The following RAPGEF4 variants were observed in gnomAD, a reference collection of about 807,000 sequenced individuals.
RAPGEF4 encodes RAP guanine-nucleotide-exchange factor (GEF) 4.
Under a neutral mutation model 147.9 loss-of-function variants are expected in RAPGEF4, and 66 were observed. That is an observed-to-expected ratio of 0.45 (90% CI 0.37 to 0.55). RAPGEF4 has a LOEUF of 0.55. RAPGEF4 is among the 20% of genes least tolerant of loss of function. RAPGEF4 has a pLI of 0.00. For synonymous variants in RAPGEF4, 419 were observed against 442.7 expected, an observed-to-expected ratio of 0.95 and a Z score of 0.67; for missense variants, 1,071 against 1,257.3, an observed-to-expected ratio of 0.85 and a Z score of 2.24.
At chr2:172,948,432 C>T (rs1687895170) in intron 6 of RAPGEF4, among the ~76,000 whole-genome samples, 1 of 152,084 alleles carries the variant, frequency 6.6e-6, no homozygotes. Context: ...GTCAGAAATA[C>T]TTATCAAAAC....
rs1055644624 is a variant in RAPGEF4 at position 172,748,052 on chromosome 2, A to G, written c.65+12004A>G. 2.6e-5 allele frequency among the ~76,000 whole-genome samples: 4 copies of G among 152,246 alleles called. No individual in the cohort carries two copies. In the East Asian group the frequency reaches 5.8e-4, roughly 22 times the overall value. ...AATATTCATTGTGTATATATACACC[A>G]CATTTTCTTTTTCCATTAATCTGTC... On this transcript the variant is annotated intron_variant, in intron 1 of 30. Transcript: ENST00000397081.
chr2:173,025,839 A>T (rs1696610716), intron 23 of RAPGEF4, among the ~76,000 whole-genome samples: 1 of 152,252 alleles, frequency 6.6e-6, no homozygotes, highest in Non-Finnish European at 1.5e-5. Context: ...CATATCATTC[A>T]TCTCACTAAG....
At chr2:172,894,887 C>T (rs1559103725) in intron 4 of RAPGEF4, among the ~76,000 whole-genome samples, 1 of 152,074 alleles carries the variant, frequency 6.6e-6, no homozygotes, top group African/African-American at 2.4e-5. Flanking sequence ...GGGCAGTGAA[C>T]ATTGCGTAGT....
chr2:172,927,764 C>G (rs927512875), intron 6 of RAPGEF4, among the ~76,000 whole-genome samples: 3 of 152,194 alleles, frequency 2.0e-5, no homozygotes, highest in African/African-American at 7.2e-5. Context: ...TAAAACCCTG[C>G]TTTACATGAT....
At chr2:172,811,986 T>C (rs1175427654) in intron 3 of RAPGEF4, among the ~76,000 whole-genome samples, 2 of 152,194 alleles carry the variant, frequency 1.3e-5, no homozygotes, top group Admixed American at 6.5e-5. Context: ...GCACCTTCTA[T>C]TTCTCTGTGC....
At chr2:173,011,157 T>G (rs1694962094) in intron 17 of RAPGEF4, among the ~76,000 whole-genome samples, 2 of 67,944 alleles carry the variant, frequency 2.9e-5, no homozygotes. Context: ...CCTTGGAACT[T>G]CAGCGCGCGC....
At chr2:172,870,239 A>G (rs989511074) in intron 4 of RAPGEF4, among the ~76,000 whole-genome samples, 1 of 152,142 alleles carries the variant, frequency 6.6e-6, no homozygotes, top group Non-Finnish European at 1.5e-5. Context: ...TCACATCATG[A>G]CCCGGTACAC....
At chr2:172,940,964 T>C (rs1373658298) in intron 6 of RAPGEF4, among the ~76,000 whole-genome samples, 1 of 152,222 alleles carries the variant, frequency 6.6e-6, no homozygotes, top group Non-Finnish European at 1.5e-5. Flanking sequence ...TACAAAGTAC[T>C]TTATTTTGGA....
intron 10 of RAPGEF4, among the ~76,000 whole-genome samples, chr2:172,968,036 C>T (rs1690042427): frequency 6.6e-6 from 1 of 152,176 alleles, no homozygotes; most frequent in Admixed American, 6.5e-5. Flanking sequence ...CCACCACCTG[C>T]AATTGTGGAC....
rs1234162513 is a variant in RAPGEF4, at chr2:173,005,531, T to G, written c.1658+4187T>G. On this transcript the variant is annotated intron_variant, in intron 17 of 30. Coordinates refer to ENST00000397081, the MANE Select transcript of RAPGEF4 (RefSeq NM_007023.4). ...TGTTGTTGTTTTGTGTTTTTTTTTTTTTTTTTTTTTGAGACAGAGTCTTGC... is the reference window on the plus strand; with the variant it reads ...TGTTGTTGTTTTGTGTTTTTTTTTTGTTTTTTTTTTGAGACAGAGTCTTGC... 9.6e-4 allele frequency among the ~76,000 whole-genome samples: 134 copies of G among 139,346 alleles called. 2 individuals are homozygous for G. Among genetic ancestry groups the G allele is most frequent in the South Asian group, 4.8e-4 (2 of 4,178 alleles). The allele number at this position is 139,346 out of a possible 152,430, so 91.4% of individuals were successfully genotyped here.
intron 4 of RAPGEF4, among the ~76,000 whole-genome samples, chr2:172,830,067 T>C (rs536464203): frequency 1.3e-5 from 2 of 152,256 alleles, no homozygotes; most frequent in South Asian, 2.1e-4. Context: ...GTCTGTTATC[T>C]ACCAAAAGAT....
chr2:172,993,892 C>G (rs1028639174), intron 15 of RAPGEF4, among the ~76,000 whole-genome samples: 1 of 152,188 alleles, frequency 6.6e-6, no homozygotes, highest in Non-Finnish European at 1.5e-5. Flanking sequence ...AAAGAAAGAT[C>G]CTGGGGGTCT....
chr2:172,838,936 A>G (rs995703201), intron 4 of RAPGEF4, among the ~76,000 whole-genome samples: 11 of 152,110 alleles, frequency 7.2e-5, no homozygotes, highest in Admixed American at 4.6e-4. Context: ...TAATTTAGCT[A>G]GTTTCTAAGT....
chr2:172,925,624 T>G (rs1347740085), intron 6 of RAPGEF4, among the ~76,000 whole-genome samples: 3 of 151,480 alleles, frequency 2.0e-5, no homozygotes, highest in Non-Finnish European at 4.4e-5. Context: ...ACACGCTGAA[T>G]GTGGTGGTGC....
chr2:172,947,310 CTT>C (rs1334529614), intron 6 of RAPGEF4, among the ~76,000 whole-genome samples: 1 of 152,080 alleles, frequency 6.6e-6, no homozygotes, highest in African/African-American at 2.4e-5. Flanking sequence ...GACTTCAATA[CTT>C]TTTTTGTTTT....
chr2:172,745,073 A>G (rs1030414975), intron 1 of RAPGEF4, among the ~76,000 whole-genome samples: 1 of 152,004 alleles, frequency 6.6e-6, no homozygotes, highest in Non-Finnish European at 1.5e-5. Flanking sequence ...TTCTTTTCTT[A>G]TTTTAGTATC....
At chr2:172,822,633 G>T (rs554774150) in intron 4 of RAPGEF4, among the ~76,000 whole-genome samples, 1 of 152,266 alleles carries the variant, frequency 6.6e-6, no homozygotes, top group Non-Finnish European at 1.5e-5. Flanking sequence ...ATAACCAGTA[G>T]TTGCTTTCTC....
At chr2:172,767,384 G>A (rs1696950567) in intron 1 of RAPGEF4, among the ~76,000 whole-genome samples, 1 of 152,002 alleles carries the variant, frequency 6.6e-6, no homozygotes, top group Admixed American at 6.5e-5. Context: ...TCTCCATGTT[G>A]GTCAGGCTGG....
rs1015848692 is a variant in RAPGEF4, at chr2:172,801,763, G to A, written c.297+4150G>A. ...AGGACCGGAAGGGGAAGGAAGAGAG[G>A]TGGGGAGCTGAGCCAGCCATTAAGG... On this transcript the variant is annotated intron_variant, in intron 3 of 30. Coordinates refer to ENST00000397081, the MANE Select transcript of RAPGEF4 (RefSeq NM_007023.4). Among the ~76,000 whole-genome samples the A allele has an allele frequency of 3.3e-5, 5 of 152,172 alleles. No homozygotes were observed. The East Asian group carries it at 7.7e-4, about 23-fold the overall frequency.
Sources: gnomAD v4.1 joint callset for allele counts (sites outside exome capture counted in the v4.1 genomes callset) on GRCh38, gnomAD v4.1.1 for gene constraint, MANE v1.5 for transcripts, NCBI Gene and HGNC (gene_info 2026-07-23, HGNC 2026-07-21) for gene names.